TMEM145: variants seen among roughly 807,000 people sequenced by gnomAD.
The protein encoded by TMEM145 is transmembrane protein 145.
Under a neutral mutation model 68.5 loss-of-function variants are expected in TMEM145, and 46 were observed. That is an observed-to-expected ratio of 0.67 (90% CI 0.53 to 0.86). TMEM145 has a LOEUF of 0.86. Ranked by LOEUF, TMEM145 falls within the 40% of genes least tolerant of loss-of-function variation. TMEM145 has a pLI of 0.00. For synonymous variants in TMEM145, 255 were observed against 280.2 expected, an observed-to-expected ratio of 0.91 and a Z score of 0.90; for missense variants, 570 against 645.8, an observed-to-expected ratio of 0.88 and a Z score of 1.27.
chr19:42,315,118 C>A (rs780553394), intron 6 of TMEM145, 41 bp downstream of exon 6: 2 of 1,614,096 alleles, frequency 1.2e-6, no homozygotes, highest in Admixed American at 3.3e-5. Context: ...CTCTGTGGGA[C>A]ACCAGAGCTG....
chr19:42,319,998 A>C (rs1317887459), intron 12 of TMEM145, among the ~76,000 whole-genome samples: 1 of 152,076 alleles, frequency 6.6e-6, no homozygotes, highest in Non-Finnish European at 1.5e-5. Flanking sequence ...ACCTCAGGTG[A>C]TCTGCCTGCC....
At position 42,313,373 on chromosome 19, in the gene TMEM145, C is replaced by G. The variant is rs546004882; in HGVS notation, c.-4C>G. On this transcript the variant is annotated 5_prime_UTR_variant, in exon 1 of 15. Transcript: ENST00000301204. This position sits in a 1 kb window ranked among gnomAD's most constrained non-coding sequence, Gnocchi z 5.1. ...GGAGCGGAGCCGGGGCCGGAGCGGG[C>G]GGAATGGAGCCCCTGCGCGCGCCCG... The G allele has an allele frequency of 3.2e-5, 37 of 1,150,166 alleles. No homozygotes were observed. Among genetic ancestry groups the G allele is most frequent in the Non-Finnish European group, 4.2e-5 (37 of 891,110 alleles). 71.2% of individuals were successfully genotyped at this position (1,150,166 alleles called of 1,614,324 possible). A position where few individuals can be genotyped will look rare whatever the true frequency, so the allele number is the denominator to read the frequency against.
In TMEM145 at chr19:42,314,255, C is replaced by T; in HGVS notation, c.121-17C>T. On this transcript the variant is annotated splice_polypyrimidine_tract_variant and intron_variant, in intron 1 of 14. Transcript: ENST00000301204. ...TTGAAGGACTCAGCGGAGGGTCAGA[C>T]TGGGCCCCTTTTTCAGGACTGGGTG... 1 of 1,613,970 alleles carries T rather than the reference C, an allele frequency of 6.2e-7. No individual in the cohort carries two copies. Among genetic ancestry groups the T allele is most frequent in the Non-Finnish European group, 8.5e-7 (1 of 1,179,954 alleles).
chr19:42,323,893 G>A, intron 14 of TMEM145, 104 bp downstream of exon 14: 2 of 1,029,972 alleles, frequency 1.9e-6, no homozygotes, highest in South Asian at 3.1e-5. Flanking sequence ...GGACCCCTGA[G>A]CCCTCCTCCT....
At position 42,316,852 on chromosome 19, in the gene TMEM145, C is replaced by T. The variant is rs1164639086; in HGVS notation, c.807-18C>T. The T allele has an allele frequency of 1.2e-6, 2 of 1,612,758 alleles. No homozygotes were observed. Among genetic ancestry groups the T allele is most frequent in the Non-Finnish European group, 1.7e-6 (2 of 1,179,842 alleles). Reference sequence around the variant, plus strand: ...GACGGCCCCCACCCTGCTGTCTCCCCTCATGGCCTGCTGCCAGGGGCCGCA... The same window carrying T: ...GACGGCCCCCACCCTGCTGTCTCCCTTCATGGCCTGCTGCCAGGGGCCGCA... On this transcript the variant is annotated intron_variant, in intron 10 of 14. Transcript: ENST00000301204.
chr19:42,314,372 G>T, intron 2 of TMEM145, 26 bp downstream of exon 2: 1 of 1,614,110 alleles, frequency 6.2e-7, no homozygotes, highest in Non-Finnish European at 8.5e-7. Context: ...CACTCGCCAT[G>T]CTGAGGCTGG....
rs1390457779 is a variant in TMEM145, at chr19:42,320,308, C to T, written c.1074-9C>T. The T allele has an allele frequency of 1.9e-6, 3 of 1,613,794 alleles. No individual in the cohort carries two copies. The highest frequency in any genetic ancestry group is 2.2e-5 in the East Asian group (1 of 44,886). ...CAGTGTCTCTACTGACCCAATACTT[C>T]CCCTTCAGGTTCTTTGCGGTTCCTG... is the stretch of plus-strand genomic sequence containing the variant. On this transcript the variant is annotated splice_polypyrimidine_tract_variant and intron_variant, in intron 12 of 14. Transcript: ENST00000301204.
In TMEM145 at chr19:42,316,975, T is replaced by G; in HGVS notation, c.900+12T>G. 6.2e-7 allele frequency: 1 copy of G among 1,610,676 alleles called. No individual in the cohort carries two copies. The highest frequency in any genetic ancestry group is 1.1e-5 in the South Asian group (1 of 90,696). On this transcript the variant is annotated intron_variant, in intron 11 of 14. Transcript: ENST00000301204. ...TCTACGAGGCGGAAGTGAGTCCGAC[T>G]GGCCCCTGGCCGGGCCCTGCCTTCC...
chr19:42,324,937 G>C lies in TMEM145; in HGVS notation c.*120G>C. 1 of 1,307,528 alleles carries C rather than the reference G, an allele frequency of 7.6e-7. No individual in the cohort carries two copies. The highest frequency in any genetic ancestry group is 9.7e-7 in the Non-Finnish European group (1 of 1,028,014). The allele number at this position is 1,307,528 out of a possible 1,614,324, so 81.0% of individuals were successfully genotyped here. On this transcript the variant is annotated 3_prime_UTR_variant, in exon 15 of 15. Coordinates refer to ENST00000301204, the MANE Select transcript of TMEM145 (RefSeq NM_173633.3). ...GTCTCGACCCTGAAACCCTCCCTCGGATCTGTGACCTCGGACCCGTACTCC... is the reference window on the plus strand; with the variant it reads ...GTCTCGACCCTGAAACCCTCCCTCGCATCTGTGACCTCGGACCCGTACTCC...
chr19:42,315,539 G>A, intron 8 of TMEM145, 99 bp downstream of exon 8: 1 of 1,328,096 alleles, frequency 7.5e-7, no homozygotes, highest in South Asian at 1.2e-5. Context: ...GGACTCCTGG[G>A]TCCTGGGGGA....
chr19:42,322,791 C>T (rs1037591271), intron 13 of TMEM145, among the ~76,000 whole-genome samples: 5 of 151,824 alleles, frequency 3.3e-5, no homozygotes, highest in African/African-American at 1.2e-4. Context: ...CAACCTCTGC[C>T]TCCTGGGTTC....
chr19:42,317,034 C>G lies in TMEM145; in HGVS notation c.900+71C>G, dbSNP rs1261011488. ...TGGCGCCGCCTCCCCCTTGACCTGT[C>G]TGCTCGCCCTTGCCCACATCCTGCT... is the stretch of plus-strand genomic sequence containing the variant. On this transcript the variant is annotated intron_variant, in intron 11 of 14. Coordinates refer to ENST00000301204, the MANE Select transcript of TMEM145 (RefSeq NM_173633.3). The G allele has an allele frequency of 3.0e-6, 4 of 1,343,638 alleles. No individual in the cohort carries two copies. In the African/African-American group the frequency reaches 4.3e-5, roughly 15 times the overall value. The allele number at this position is 1,343,638 out of a possible 1,614,324, so 83.2% of individuals were successfully genotyped here.
intron 13 of TMEM145, 34 bp downstream of exon 13, chr19:42,320,471 G>A (rs1189558650): frequency 4.3e-6 from 7 of 1,612,556 alleles, no homozygotes; most frequent in Admixed American, 3.3e-5. Flanking sequence ...GTGGAGGGGA[G>A]GACCCGAGGG....
chr19:42,324,324 C>G (rs903932986), intron 14 of TMEM145: 2 of 985,162 alleles, frequency 2.0e-6, no homozygotes, highest in East Asian at 2.3e-4. Flanking sequence ...GCGGTGGCCC[C>G]GAGGGGCCGC....
intron 4 of TMEM145, 46 bp downstream of exon 4, chr19:42,314,745 C>G: frequency 1.2e-6 from 2 of 1,614,076 alleles, no homozygotes; most frequent in Admixed American, 3.3e-5. Context: ...AAGGATGAAG[C>G]CTTCGGGGCA....
At chr19:42,324,121 C>T (rs2147427981) in intron 14 of TMEM145, among the ~76,000 whole-genome samples, 2 of 152,206 alleles carry the variant, frequency 1.3e-5, no homozygotes, top group African/African-American at 4.8e-5. Context: ...TACCTGGCCC[C>T]GCTGCCCAGG....
At chr19:42,317,039 C>T (rs1052187233) in intron 11 of TMEM145, 76 bp downstream of exon 11, 15 of 1,281,660 alleles carry the variant, frequency 1.2e-5, no homozygotes, top group Admixed American at 3.9e-5. Context: ...CCTGTCTGCT[C>T]GCCCTTGCCC....
rs1248142585 is a variant in TMEM145, at chr19:42,320,379, A to C, written c.1136A>C (p.Glu379Ala). The change falls in exon 13 of 15, where the codon GAG becomes GCG. Residue 379 changes from glutamate to alanine, a missense_variant. Coordinates refer to ENST00000301204, the MANE Select transcript of TMEM145 (RefSeq NM_173633.3). Reference protein sequence around the residue: ...ANFGIPKWAREKIVNGIQLGI... With the variant: ...ANFGIPKWARAKIVNGIQLGI... ...TTCGGCATCCCCAAGTGGGCCCGGGAGAAGATTGTCAATGGCATCCAGCTG... is the reference window on the plus strand; with the variant it reads ...TTCGGCATCCCCAAGTGGGCCCGGGCGAAGATTGTCAATGGCATCCAGCTG... The C allele has an allele frequency of 6.2e-7, 1 of 1,613,990 alleles. No individual in the cohort carries two copies. Among genetic ancestry groups the C allele is most frequent in the African/African-American group, 1.3e-5 (1 of 74,974 alleles).
chr19:42,321,071 C>T, intron 13 of TMEM145: 4 of 399,166 alleles, frequency 1.0e-5, no homozygotes, highest in Non-Finnish European at 1.3e-5. Flanking sequence ...TTTGTATCCC[C>T]ACTGCCTTCC....
Sources: gnomAD v4.1 joint callset for allele counts (sites outside exome capture counted in the v4.1 genomes callset) on GRCh38, gnomAD v4.1.1 for gene constraint, Gnocchi (gnomAD v3.1) non-coding constraint, MANE v1.5 for transcripts, NCBI Gene and HGNC (gene_info 2026-07-23, HGNC 2026-07-21) for gene names.